FMN1: variants seen among roughly 807,000 people sequenced by gnomAD.
The protein encoded by FMN1 is formin 1.
Under a neutral mutation model 132.4 loss-of-function variants are expected in FMN1, and 110 were observed. The observed-to-expected ratio is 0.83, with a 90% CI of 0.71 to 0.97. The LOEUF (loss-of-function observed/expected upper bound fraction) is 0.97, where lower values mean the gene tolerates loss of function less well. Ranked by LOEUF, FMN1 falls within the 50% of genes least tolerant of loss-of-function variation. The pLI is 0.00. For synonymous variants in FMN1, 722 were observed against 651.7 expected (o/e 1.11, Z -1.64); for missense variants, 1,792 against 1,705.3 (o/e 1.05, Z -0.90).
intron 2 of FMN1, among the ~76,000 whole-genome samples, chr15:33,186,073 C>T (rs998284730): frequency 6.6e-6 from 1 of 151,978 alleles, no homozygotes; most frequent in Non-Finnish European, 1.5e-5. Flanking sequence ...TTCAATGCAA[C>T]CTTTGTGAAT....
intron 2 of FMN1, among the ~76,000 whole-genome samples, chr15:33,181,261 T>C (rs1965690040): frequency 6.6e-6 from 1 of 152,256 alleles, no homozygotes; most frequent in Non-Finnish European, 1.5e-5. Context: ...CTCTTTCACA[T>C]AGTTTTACTT....
At chr15:33,138,603 G>A (rs12915870) in intron 4 of FMN1, among the ~76,000 whole-genome samples, 7,945 of 152,142 alleles carry the variant, frequency 0.052, 302 homozygotes, top group Non-Finnish European at 0.069. Flanking sequence ...ACTCCTCCTG[G>A]AAGTGAGGAT....
At chr15:32,907,613 G>A (rs2060458549) in intron 12 of FMN1, among the ~76,000 whole-genome samples, 1 of 152,166 alleles carries the variant, frequency 6.6e-6, no homozygotes, top group South Asian at 2.1e-4. Context: ...GAGAACCTTG[G>A]AAGTTTCTAG....
chr15:32,940,553 C>A (rs2061380308), intron 9 of FMN1, among the ~76,000 whole-genome samples: 1 of 152,050 alleles, frequency 6.6e-6, no homozygotes, highest in South Asian at 2.1e-4. Flanking sequence ...GGTATACGAT[C>A]CTTGAAAATG....
At chr15:33,119,907 T>G (rs1962393756) in intron 4 of FMN1, among the ~76,000 whole-genome samples, 1 of 152,204 alleles carries the variant, frequency 6.6e-6, no homozygotes, top group Admixed American at 6.5e-5. Flanking sequence ...TAATGAGACT[T>G]TGTGTTTATA....
intron 10 of FMN1, among the ~76,000 whole-genome samples, chr15:32,917,481 T>C (rs2060711740): frequency 6.6e-6 from 1 of 152,244 alleles, no homozygotes; most frequent in Non-Finnish European, 1.5e-5. Context: ...GCAGACTTTA[T>C]TGGGGATTAA....
At chr15:32,964,016 T>TACACACACACACACACAC (rs374980152) in intron 9 of FMN1, 91 bp downstream of exon 9, 267 of 508,276 alleles carry the variant, frequency 5.3e-4, no homozygotes, top group African/African-American at 2.5e-3. Flanking sequence ...GTATATACGA[T>TACACACACACACACACAC]ACACACACAC....
chr15:33,017,180 G>C (rs183811550), intron 6 of FMN1, among the ~76,000 whole-genome samples: 3 of 151,764 alleles, frequency 2.0e-5, no homozygotes, highest in African/African-American at 4.8e-5. Flanking sequence ...GAGGAGGGAG[G>C]AATCAGTGGA....
intron 4 of FMN1, among the ~76,000 whole-genome samples, chr15:33,119,146 A>G (rs1465701245): frequency 6.6e-6 from 1 of 152,182 alleles, no homozygotes; most frequent in Non-Finnish European, 1.5e-5. Flanking sequence ...AGTAGAGAGA[A>G]ACTTCTATTC....
chr15:32,803,396 G>A (rs571277839), intron 18 of FMN1, among the ~76,000 whole-genome samples: 9 of 152,262 alleles, frequency 5.9e-5, no homozygotes, highest in Non-Finnish European at 1.0e-4. Flanking sequence ...TAACAAAAAG[G>A]AAAAAGCCCT....
intron 6 of FMN1, among the ~76,000 whole-genome samples, chr15:33,018,608 A>G (rs1268168882): frequency 6.6e-6 from 1 of 152,122 alleles, no homozygotes; most frequent in Non-Finnish European, 1.5e-5. Context: ...ACCTTGTCCT[A>G]TGCATCTCTT....
intron 4 of FMN1, among the ~76,000 whole-genome samples, chr15:33,122,584 A>G (rs1033882642): frequency 2.0e-5 from 3 of 152,228 alleles, no homozygotes; most frequent in Non-Finnish European, 4.4e-5. Context: ...CCTTCTAAAC[A>G]GTACCACTAG....
intron 7 of FMN1, among the ~76,000 whole-genome samples, chr15:32,988,049 GTTTT>G (rs10573409): frequency 0.038 from 4,532 of 118,394 alleles, 138 homozygotes; most frequent in African/African-American, 0.12. Context: ...TGTCTCTCCA[GTTTT>G]TTTTTTTTTT....
Position 32,969,190 on chromosome 15 carries a change from A to G in FMN1, c.2511T>C (p.Ser837=). 1 of 1,613,936 alleles carries G rather than the reference A, an allele frequency of 6.2e-7. No homozygotes were observed. Among genetic ancestry groups the G allele is most frequent in the Non-Finnish European group, 8.5e-7 (1 of 1,179,874 alleles). The change falls in exon 8 of 21, where the codon TCT becomes TCC. Residue 837 remains serine (S), a synonymous_variant. Transcript: ENST00000616417. Reference sequence around the variant, plus strand: ...CATTTGGGGGTGAGAGCTGGCTTAAAGAGGAGATATTCAGCTTTTTGGGTA... The same window carrying G: ...CATTTGGGGGTGAGAGCTGGCTTAAGGAGGAGATATTCAGCTTTTTGGGTA... ...QLVPKKLNIS[S]LSQLSPPNDH... is the part of the protein sequence containing the mutation.
intron 16 of FMN1, among the ~76,000 whole-genome samples, chr15:32,863,405 G>T (rs2059320581): frequency 6.6e-6 from 1 of 152,150 alleles, no homozygotes; most frequent in African/African-American, 2.4e-5. Flanking sequence ...CTGCACTCCA[G>T]CCTGGGCGAC....
intron 4 of FMN1, among the ~76,000 whole-genome samples, chr15:33,121,216 G>A (rs1962523208): frequency 6.6e-6 from 1 of 152,112 alleles, no homozygotes; most frequent in Non-Finnish European, 1.5e-5. Flanking sequence ...AGAGCAGTGG[G>A]TCCTGTGTCT....
chr15:32,787,708 T>C (rs1403259773), intron 19 of FMN1, among the ~76,000 whole-genome samples: 2 of 151,954 alleles, frequency 1.3e-5, no homozygotes, highest in Non-Finnish European at 2.9e-5. Flanking sequence ...AAAAAATGAG[T>C]TGGGCATGAT....
intron 4 of FMN1, among the ~76,000 whole-genome samples, chr15:33,090,955 T>C (rs1048447944): frequency 2.0e-5 from 3 of 152,176 alleles, no homozygotes; most frequent in African/African-American, 4.8e-5. Flanking sequence ...GCATAAATTT[T>C]TTAAAATTTA....
intron 6 of FMN1, among the ~76,000 whole-genome samples, chr15:33,025,437 A>G (rs1429167157): frequency 6.6e-6 from 1 of 152,186 alleles, no homozygotes; most frequent in Admixed American, 6.5e-5. Flanking sequence ...TGATTCACAA[A>G]GAAAACCTTT....
Sources: gnomAD v4.1 joint callset for allele counts (sites outside exome capture counted in the v4.1 genomes callset) on GRCh38, gnomAD v4.1.1 for gene constraint, MANE v1.5 for transcripts, NCBI Gene and HGNC (gene_info 2026-07-23, HGNC 2026-07-21) for gene names.